Variants in UBE2W observed in about 807,000 individuals in gnomAD.
UBE2W encodes ubiquitin conjugating enzyme E2 W.
UBE2W carries 18 observed loss-of-function variants against 27.2 expected under a neutral mutation model. The observed-to-expected ratio is 0.66, with a 90% confidence interval of 0.46 to 0.98. UBE2W has a LOEUF of 0.98. Among genes scored for constraint, UBE2W ranks in the 50% least tolerant of loss-of-function variants. The pLI, the probability that UBE2W is intolerant of heterozygous loss-of-function variation, is 0.00. For missense variants in UBE2W, 90 were observed against 180.2 expected, an observed-to-expected ratio of 0.50 and a Z score of 2.87; for synonymous variants, 53 against 57.2, an observed-to-expected ratio of 0.93 and a Z score of 0.33.
intron 3 of UBE2W, among the ~76,000 whole-genome samples, chr8:73,823,491 T>C (rs1418078801): frequency 3.3e-5 from 5 of 152,176 alleles, no homozygotes; most frequent in Admixed American, 2.0e-4. Context: ...CATACCATCA[T>C]TGAACTTAGT....
intron 1 of UBE2W, among the ~76,000 whole-genome samples, chr8:73,872,472 GT>G (rs2130996146): frequency 6.6e-6 from 1 of 152,236 alleles, no homozygotes; most frequent in South Asian, 2.1e-4. Flanking sequence ...GTTCTTCATA[GT>G]ATCTTCATAT....
intron 3 of UBE2W, among the ~76,000 whole-genome samples, chr8:73,812,867 C>T (rs1206840242): frequency 6.6e-6 from 1 of 151,370 alleles, no homozygotes; most frequent in East Asian, 1.9e-4. Flanking sequence ...TAGCTGGGAG[C>T]GGTGGCACGT....
At position 73,787,027 on chromosome 8, in the gene UBE2W, G is replaced by A. The variant is rs1807985440; in HGVS notation, c.*7075C>T. 4 of 985,422 alleles carry A rather than the reference G, an allele frequency of 4.1e-6. No individual in the cohort carries two copies. Among genetic ancestry groups the A allele is most frequent in the Non-Finnish European group, 3.6e-6 (3 of 829,940 alleles). The allele number at this position is 985,422 out of a possible 1,614,324, so 61.0% of individuals were successfully genotyped here. A position where few individuals can be genotyped will look rare whatever the true frequency, so the allele number is the denominator to read the frequency against. On this transcript the variant is annotated 3_prime_UTR_variant, in exon 6 of 6. Transcript: ENST00000602593. ...GTCCCTGAAGGCCAGATACAGACATGAGAAGATATTTCCTACCTTAGTTGA... is the reference window on the plus strand; with the variant it reads ...GTCCCTGAAGGCCAGATACAGACATAAGAAGATATTTCCTACCTTAGTTGA...
rs1346823013 is a variant in UBE2W, at chr8:73,790,458, AAT to A, written c.*3642_*3643del. On this transcript the variant is annotated 3_prime_UTR_variant, in exon 6 of 6. Transcript: ENST00000602593. The stretch of plus-strand genomic sequence containing the variant: ...TGATAATGAATCCTCAGAAAAGAAG[AAT>A]ATGGTTAAGCTTCAGTTCTTTTTGA... 1.6e-5 allele frequency: 16 copies of A among 985,128 alleles called. No individual in the cohort carries two copies. The highest frequency in any genetic ancestry group is 1.0e-3 in the Middle Eastern group (2 of 1,936). 61.0% of individuals were successfully genotyped at this position (985,128 alleles called of 1,614,324 possible).
chr8:73,802,572 G>GA (rs536757859), intron 5 of UBE2W, among the ~76,000 whole-genome samples: 61 of 151,810 alleles, frequency 4.0e-4, no homozygotes, highest in Admixed American at 7.2e-4. Context: ...ACCCAACATT[G>GA]AAAAAAAACA....
chr8:73,855,387 CTACT>C (rs1300272490), intron 1 of UBE2W, among the ~76,000 whole-genome samples: 1 of 140,548 alleles, frequency 7.1e-6, no homozygotes, highest in Non-Finnish European at 1.5e-5. Flanking sequence ...TCTTTATATT[CTACT>C]TTCTTTTTTT....
At chr8:73,854,407 C>T (rs1811202113) in intron 1 of UBE2W, among the ~76,000 whole-genome samples, 1 of 152,158 alleles carries the variant, frequency 6.6e-6, no homozygotes, top group East Asian at 1.9e-4. Context: ...AAAAAGAAAT[C>T]TAGGTTAGAT....
At chr8:73,861,462 C>T (rs1050959734) in intron 1 of UBE2W, among the ~76,000 whole-genome samples, 2 of 152,032 alleles carry the variant, frequency 1.3e-5, no homozygotes, top group African/African-American at 4.8e-5. Flanking sequence ...TTGATACAGG[C>T]CCCTAAGATT....
chr8:73,844,996 G>A (rs28601602), intron 1 of UBE2W, among the ~76,000 whole-genome samples: 52 of 150,570 alleles, frequency 3.5e-4, no homozygotes, highest in Admixed American at 1.2e-3. Flanking sequence ...CCCTGCAGCC[G>A]CCCCGTCCAG....
chr8:73,830,421 T>C lies in UBE2W; in HGVS notation c.67A>G (p.Met23Val). The change falls in exon 2 of 6, where the codon ATG becomes GTG. Residue 23 changes from methionine to valine, a missense_variant. Physicochemically the swap from Met to Val is conservative, Grantham distance 21 (BLOSUM62 1). Transcript: ENST00000602593. ...LALQNDPPPGMTLNEKSVQNS... is the reference protein window; with the variant it reads ...LALQNDPPPGVTLNEKSVQNS... ...TGAACACTCTTCTCATTTAAGGTCA[T>C]TCCAGGAGGTGGGTCATTTTGCAAA... 9 of 1,613,916 alleles carry C rather than the reference T, an allele frequency of 5.6e-6. No homozygotes were observed. Among genetic ancestry groups the C allele is most frequent in the Non-Finnish European group, 7.6e-6 (9 of 1,179,818 alleles).
intron 4 of UBE2W, chr8:73,780,581 G>A (rs964046944): frequency 8.5e-5 from 37 of 435,824 alleles, no homozygotes; most frequent in African/African-American, 6.3e-4. Context: ...TCTCCAGGCT[G>A]GAGTGCAGTG....
Position 73,825,222 on chromosome 8 carries a change from T to C in UBE2W, c.135A>G (p.Pro45=), listed in dbSNP as rs779838279. The change falls in exon 3 of 6, where the codon CCA becomes CCG. Residue 45 remains proline, a synonymous_variant. Coordinates refer to ENST00000602593, the MANE Select transcript of UBE2W (RefSeq NM_018299.6). ...TQWIVDMEGA[P]GTLYEGEKFQ... ...ATTTTTCCCCTTCATATAAGGTACC[T>C]GGTGCACCTTCCATGTCTACAATCC... The C allele has an allele frequency of 1.3e-6, 2 of 1,562,386 alleles. No homozygotes were observed. The highest frequency in any genetic ancestry group is 2.4e-5 in the South Asian group (2 of 84,808).
At chr8:73,781,547 A>ATAGTGGT (rs1478472759), downstream of UBE2W, among the ~76,000 whole-genome samples, 1 of 151,434 alleles carries the variant, frequency 6.6e-6, no homozygotes, top group African/African-American at 2.4e-5. Flanking sequence ...AGCCCAAAAC[A>ATAGTGGT]TAGTGGTTAT....
chr8:73,878,705 AAC>A, intron 1 of UBE2W, 101 bp downstream of exon 1: 1 of 1,100,742 alleles, frequency 9.1e-7, no homozygotes, highest in Admixed American at 2.0e-5. Flanking sequence ...ACCGATCCCG[AAC>A]CCGCCCGGGT....
intron 1 of UBE2W, among the ~76,000 whole-genome samples, chr8:73,859,773 G>A (rs1260322573): frequency 6.6e-6 from 1 of 152,118 alleles, no homozygotes; most frequent in Non-Finnish European, 1.5e-5. Flanking sequence ...GTAAAGCTCT[G>A]TCATCATGCA....
Position 73,792,337 on chromosome 8 carries a change from G to A in UBE2W, c.*1765C>T. On this transcript the variant is annotated 3_prime_UTR_variant, in exon 6 of 6. Transcript: ENST00000602593. ...AACAGTGTCCACAATTTGGTGGCTG[G>A]CCACGGTTTTAATTTTTTTTTTCAA... 1.0e-6 allele frequency: 1 copy of A among 985,312 alleles called. No homozygotes were observed. Among genetic ancestry groups the A allele is most frequent in the Non-Finnish European group, 1.2e-6 (1 of 829,712 alleles). The allele number at this position is 985,312 out of a possible 1,614,324, so 61.0% of individuals were successfully genotyped here.
chr8:73,870,193 G>T, intron 1 of UBE2W: 2 of 1,451,090 alleles, frequency 1.4e-6, no homozygotes, highest in Non-Finnish European at 1.9e-6. Context: ...ATGTCAAAAT[G>T]GACTTTAATA....
chr8:73,878,050 C>T (rs143679538), intron 1 of UBE2W, among the ~76,000 whole-genome samples: 28 of 152,220 alleles, frequency 1.8e-4, no homozygotes, highest in African/African-American at 2.6e-4. Context: ...TGGGGCCTTG[C>T]AGTGGGAAAC....
chr8:73,839,169 T>C (rs546516050), intron 1 of UBE2W, among the ~76,000 whole-genome samples: 18 of 152,264 alleles, frequency 1.2e-4, no homozygotes, highest in African/African-American at 3.9e-4. Context: ...TATTTACATA[T>C]TAGTTTAAGT....
Sources: gnomAD v4.1 joint callset for allele counts (sites outside exome capture counted in the v4.1 genomes callset) on GRCh38, gnomAD v4.1.1 for gene constraint, MANE v1.5 for transcripts, NCBI Gene and HGNC (gene_info 2026-07-23, HGNC 2026-07-21) for gene names.